Variants in ZNF280C observed in about 807,000 individuals in gnomAD.
The protein encoded by ZNF280C is suppressor of hairy wing homolog 3.
ZNF280C carries 14 observed loss-of-function variants against 53.6 expected under a neutral mutation model. That is an observed-to-expected ratio of 0.26 (90% CI 0.17 to 0.41). ZNF280C has a LOEUF of 0.41. Ranked by LOEUF, ZNF280C falls within the 10% of genes least tolerant of loss-of-function variation. ZNF280C has a pLI of 1.00. For missense variants in ZNF280C, 416 were observed against 547.1 expected, an observed-to-expected ratio of 0.76 and a Z score of 2.39; for synonymous variants, 203 against 181.1, an observed-to-expected ratio of 1.12 and a Z score of -0.97.
At position 130,250,703 on chromosome X, in the gene ZNF280C, AAAG is replaced by A. The variant is rs556471582; in HGVS notation, c.32-3701_32-3699del. On this transcript the variant is annotated intron_variant, in intron 2 of 18. Coordinates refer to ENST00000370978, the MANE Select transcript of ZNF280C (RefSeq NM_017666.5). ...CACACTTGAATTCTACAAGATGTAC[AAAG>A]AAGAGCTGGTACTATTCCTACCGAA... Among the ~76,000 whole-genome samples, 10 of 112,432 alleles carry A rather than the reference AAAG, an allele frequency of 8.9e-5. No individual in the cohort carries two copies. The South Asian group carries it at 3.7e-3, about 41-fold the overall frequency.
chrX:130,268,701 GCCGCGCGGGAGAGCTGCTGCCTCCTT>G (rs2124721766), intron 1 of ZNF280C, 35 bp downstream of exon 1: 1 of 112,745 alleles, frequency 8.9e-6, no homozygotes, highest in African/African-American at 3.2e-5. Context: ...GGCTGCCTCG[GCCGCGCGGGAGAGCTGCTGCCTCCTT>G]CCGCGCGGCA....
intron 2 of ZNF280C, among the ~76,000 whole-genome samples, chrX:130,251,282 CAAAAAAAAAAAA>C (rs61571389): frequency 1.6e-3 from 24 of 15,336 alleles, no homozygotes; most frequent in Middle Eastern, 0.031. Flanking sequence ...GGACCTGTCT[CAAAAAAAAAAAA>C]AAAAAAAAAA....
intron 12 of ZNF280C, among the ~76,000 whole-genome samples, chrX:130,223,113 A>T (rs1374606046): frequency 2.7e-5 from 3 of 109,923 alleles, no homozygotes; most frequent in Non-Finnish European, 5.7e-5. Context: ...CCCAGGCTGG[A>T]GTGGCATGAT....
At chrX:130,237,602 C>T (rs1205316571) in intron 6 of ZNF280C, among the ~76,000 whole-genome samples, 4 of 111,304 alleles carry the variant, frequency 3.6e-5, no homozygotes, top group Non-Finnish European at 5.7e-5. Flanking sequence ...AACTGCATGT[C>T]GTGTTTTAAA....
intron 13 of ZNF280C, among the ~76,000 whole-genome samples, chrX:130,219,727 G>A (rs2032142804): frequency 9.1e-6 from 1 of 109,324 alleles, no homozygotes; most frequent in South Asian, 3.9e-4. Flanking sequence ...TATAATTCCT[G>A]ATCTTAAATA....
chrX:130,237,920 T>C (rs1178256034), intron 6 of ZNF280C, among the ~76,000 whole-genome samples: 6 of 111,229 alleles, frequency 5.4e-5, no homozygotes, highest in Admixed American at 3.8e-4. Flanking sequence ...AGCTGGATAA[T>C]AGACTGTTTT....
chrX:130,242,441 A>G (rs1199889237), intron 5 of ZNF280C, among the ~76,000 whole-genome samples: 1 of 112,186 alleles, frequency 8.9e-6, no homozygotes, highest in Non-Finnish European at 1.9e-5. Context: ...TAATGACTTC[A>G]GAACACTCTT....
chrX:130,240,607 C>T (rs989636936), intron 5 of ZNF280C, among the ~76,000 whole-genome samples: 4 of 111,953 alleles, frequency 3.6e-5, no homozygotes, highest in Non-Finnish European at 5.6e-5. Flanking sequence ...ACAGAAGTTC[C>T]TCTGAATAAA....
At chrX:130,230,885 T>A (rs915372002) in intron 8 of ZNF280C, among the ~76,000 whole-genome samples, 158 bp from the exon 9 acceptor site, 1 of 112,101 alleles carries the variant, frequency 8.9e-6, no homozygotes, top group East Asian at 2.8e-4. Context: ...CATTTTTACA[T>A]ATTCTAAAAA....
At chrX:130,247,649 T>A (rs1291413592) in intron 2 of ZNF280C, among the ~76,000 whole-genome samples, 1 of 111,313 alleles carries the variant, frequency 9.0e-6, no homozygotes, top group Non-Finnish European at 1.9e-5. Flanking sequence ...AAATCCAAAG[T>A]GAGTTTTAGT....
rs189519151 is a variant in ZNF280C at position 130,256,135 on chromosome X, A to G, written c.31+4284T>C. On this transcript the variant is annotated intron_variant, in intron 2 of 18. Transcript: ENST00000370978. ...CAACAGAGTAAGGGCTTATCTCCAA[A>G]AAAAAATAAGAATAAGAATAAAGAC... Among the ~76,000 whole-genome samples, 67 of 111,042 alleles carry G rather than the reference A, an allele frequency of 6.0e-4. No homozygotes were observed. In the East Asian group the frequency reaches 0.014, roughly 22 times the overall value.
chrX:130,250,395 T>A (rs780903504), intron 2 of ZNF280C, among the ~76,000 whole-genome samples: 2 of 111,390 alleles, frequency 1.8e-5, no homozygotes, highest in African/African-American at 3.3e-5. Flanking sequence ...CTAGCTAGAC[T>A]AATACAGAAG....
intron 2 of ZNF280C, among the ~76,000 whole-genome samples, chrX:130,258,819 C>A (rs2032601058): frequency 8.9e-6 from 1 of 111,886 alleles, no homozygotes; most frequent in Non-Finnish European, 1.9e-5. Flanking sequence ...AAAGAGCATG[C>A]ACTTGACATC....
In ZNF280C at chrX:130,215,797, T is replaced by C. The variant is rs2032094748; in HGVS notation, c.1832A>G (p.Asn611Ser). Residue 611 changes from asparagine (N) to serine (S), a missense_variant, in exon 14 of 19, where the codon AAC (asparagine) becomes AGC (serine). Asn to Ser is a conservative substitution (Grantham distance 46). This residue lies in a region of ZNF280C where 151 missense variants were observed against 176.9 expected (regional missense o/e 0.85). Transcript: ENST00000370978. The stretch of plus-strand genomic sequence containing the variant: ...CAGGAATAAAAGATATTACCTTATG[T>C]TCTTCAAAGCAAGGCTCATTTTATT... ...RKNKMSLALK[N>S]IRCRRGIHKC... The C allele has an allele frequency of 8.3e-7, 1 of 1,199,302 alleles. No individual in the cohort carries two copies. Among genetic ancestry groups the C allele is most frequent in the South Asian group, 1.8e-5 (1 of 54,561 alleles).
At chrX:130,228,213 C>G (rs971167030) in intron 10 of ZNF280C, among the ~76,000 whole-genome samples, 1 of 111,634 alleles carries the variant, frequency 9.0e-6, no homozygotes, top group Non-Finnish European at 1.9e-5. Context: ...AATTTAGTCC[C>G]CTACACCAAT....
intron 12 of ZNF280C, among the ~76,000 whole-genome samples, chrX:130,224,342 C>G (rs1490899388): frequency 9.0e-6 from 1 of 111,533 alleles, no homozygotes; most frequent in Non-Finnish European, 1.9e-5. Flanking sequence ...GCCTCCATAA[C>G]AGAGAGAAAT....
Position 130,243,567 on chromosome X carries a change from T to A in ZNF280C, c.377A>T (p.Lys126Ile), listed in dbSNP as rs759081014. Residue 126 changes from lysine (K) to isoleucine (I), a missense_variant, in exon 5 of 19, where the codon AAA becomes ATA. Physicochemically the swap from Lys to Ile is moderately radical, Grantham distance 102. Around this residue, in one of 3 missense-constraint regions of ZNF280C, gnomAD observed 193 missense variants for 201.4 expected, o/e 0.96. Coordinates refer to ENST00000370978, the MANE Select transcript of ZNF280C (RefSeq NM_017666.5). ...TGTAATTTTATAAACACTTACAGGTTTAGACGCATTCTCAACAGTAACAGA... is the reference window on the plus strand; with the variant it reads ...TGTAATTTTATAAACACTTACAGGTATAGACGCATTCTCAACAGTAACAGA... ...QSSVTVENASKPDFTKNSQVG... is the reference protein window; with the variant it reads ...QSSVTVENASIPDFTKNSQVG... The A allele has an allele frequency of 8.3e-7, 1 of 1,207,282 alleles. No individual in the cohort carries two copies. The highest frequency in any genetic ancestry group is 3.0e-5 in the East Asian group (1 of 33,737).
chrX:130,218,001 A>C (rs2032122822), intron 13 of ZNF280C, among the ~76,000 whole-genome samples: 1 of 111,159 alleles, frequency 9.0e-6, no homozygotes, highest in Non-Finnish European at 1.9e-5. Flanking sequence ...CTCTACCAAA[A>C]ATGCAATAAA....
intron 5 of ZNF280C, among the ~76,000 whole-genome samples, chrX:130,241,889 C>A (rs767801075): frequency 1.8e-5 from 2 of 110,171 alleles, no homozygotes; most frequent in African/African-American, 6.6e-5. Flanking sequence ...TTGAGTGAAT[C>A]ATTTATCCTC....
Sources: gnomAD v4.1 joint callset for allele counts (sites outside exome capture counted in the v4.1 genomes callset) on GRCh38, gnomAD v4.1.1 for gene constraint, gnomAD v4.1.1 regional missense constraint, MANE v1.5 for transcripts, NCBI Gene and HGNC (gene_info 2026-07-23, HGNC 2026-07-21) for gene names.